SLC35F3: variants seen among roughly 807,000 people sequenced by gnomAD.
SLC35F3 encodes putative thiamine transporter SLC35F3.
SLC35F3 carries 25 observed loss-of-function variants against 49.9 expected under a neutral mutation model. That is an observed-to-expected ratio of 0.50 (90% confidence interval 0.37 to 0.70). The LOEUF is 0.70. Among genes scored for constraint, SLC35F3 ranks in the 30% least tolerant of loss-of-function variants. The probability of loss-of-function intolerance (pLI) is 0.00; values close to 1 mark genes in which losing one functional copy is unlikely to be tolerated. For missense variants in SLC35F3, 525 were observed against 639.8 expected (o/e 0.82, Z 1.94); for synonymous variants, 275 against 265.4 (o/e 1.04, Z -0.35).
chr1:233,922,553 T>C (rs1422505696), intron 2 of SLC35F3, among the ~76,000 whole-genome samples: 1 of 151,564 alleles, frequency 6.6e-6, no homozygotes. Flanking sequence ...ATTAGCCCTT[T>C]GTCAGATGGG....
At position 234,186,594 on chromosome 1, in the gene SLC35F3, G is replaced by A. The variant is rs145043412; in HGVS notation, c.284-44823G>A. ...GTGCCCTGAGACTCTGAAGTGTCAA[G>A]TGGTAGGTGGAGAGGGAGCACATGC... On this transcript the variant is annotated intron_variant, in intron 2 of 7. Transcript: ENST00000366618. Among the ~76,000 whole-genome samples, 4 of 152,310 alleles carry A rather than the reference G, an allele frequency of 2.6e-5. No individual in the cohort carries two copies. In the East Asian group the frequency reaches 7.7e-4, roughly 29 times the overall value.
At chr1:234,021,271 G>A (rs1283210970) in intron 2 of SLC35F3, among the ~76,000 whole-genome samples, 1 of 152,146 alleles carries the variant, frequency 6.6e-6, no homozygotes, top group East Asian at 1.9e-4. Context: ...CTTGAAGCTG[G>A]GCAGTAATGG....
At chr1:234,177,087 T>C (rs1024153621) in intron 2 of SLC35F3, among the ~76,000 whole-genome samples, 4 of 152,228 alleles carry the variant, frequency 2.6e-5, no homozygotes, top group South Asian at 4.2e-4. Context: ...TGCAGGTAGG[T>C]CTTTCCTGCA....
intron 2 of SLC35F3, among the ~76,000 whole-genome samples, chr1:234,172,049 C>G (rs1187100410): frequency 6.6e-6 from 1 of 152,016 alleles, no homozygotes; most frequent in Non-Finnish European, 1.5e-5. Context: ...CTTTTTAGCA[C>G]AGATTCACAT....
At chr1:234,140,247 A>G (rs1475176477) in intron 2 of SLC35F3, among the ~76,000 whole-genome samples, 1 of 152,110 alleles carries the variant, frequency 6.6e-6, no homozygotes, top group Non-Finnish European at 1.5e-5. Flanking sequence ...TATTTATCTC[A>G]TCTCATTTCA....
intron 3 of SLC35F3, chr1:234,274,432 A>G (rs1457742322): frequency 6.6e-6 from 1 of 152,244 alleles, no homozygotes; most frequent in Non-Finnish European, 1.5e-5. Context: ...GGATAGGATC[A>G]TCCATTTAGG....
chr1:234,304,685 A>C (rs992386970), intron 3 of SLC35F3, among the ~76,000 whole-genome samples: 1 of 152,234 alleles, frequency 6.6e-6, no homozygotes. Context: ...ATTCCACACC[A>C]TCTATCTCCT....
At chr1:234,283,564 G>C (rs562741417) in intron 3 of SLC35F3, among the ~76,000 whole-genome samples, 1 of 152,218 alleles carries the variant, frequency 6.6e-6, no homozygotes, top group Non-Finnish European at 1.5e-5. Flanking sequence ...CTAACAAGAG[G>C]GAGATTTAAT....
At chr1:234,124,401 G>A (rs1665616923) in intron 2 of SLC35F3, among the ~76,000 whole-genome samples, 1 of 152,202 alleles carries the variant, frequency 6.6e-6, no homozygotes, top group African/African-American at 2.4e-5. Flanking sequence ...AAGATTTAGG[G>A]AGAAACTGTC....
chr1:234,282,589 G>A (rs1264277484), intron 3 of SLC35F3, among the ~76,000 whole-genome samples: 1 of 152,230 alleles, frequency 6.6e-6, no homozygotes, highest in African/African-American at 2.4e-5. Context: ...CCAGCTGGGG[G>A]AGAATGAAAG....
intron 3 of SLC35F3, among the ~76,000 whole-genome samples, chr1:234,232,519 C>CAAAAAAAAAAAAAAA (rs536692686): frequency 1.4e-4 from 10 of 72,332 alleles, no homozygotes; most frequent in Non-Finnish European, 2.0e-4. Flanking sequence ...CAGGCCTAGT[C>CAAAAAAAAAAAAAAA]AAAAAAAAAA....
chr1:233,942,143 A>C (rs1175536055), intron 2 of SLC35F3, among the ~76,000 whole-genome samples: 3 of 151,444 alleles, frequency 2.0e-5, no homozygotes, highest in African/African-American at 4.8e-5. Flanking sequence ...TGTATTTTTT[A>C]GCAGAGACGG....
At chr1:234,292,774 A>C (rs879916429) in intron 3 of SLC35F3, among the ~76,000 whole-genome samples, 5 of 152,226 alleles carry the variant, frequency 3.3e-5, no homozygotes, top group Non-Finnish European at 5.9e-5. Context: ...AGCATAGTGC[A>C]GGCGGGACCT....
intron 2 of SLC35F3, among the ~76,000 whole-genome samples, chr1:234,126,640 C>T (rs1182060755): frequency 6.6e-6 from 1 of 152,192 alleles, no homozygotes; most frequent in African/African-American, 2.4e-5. Context: ...CTTCTCCAAC[C>T]GCTGGAAGCC....
intron 2 of SLC35F3, among the ~76,000 whole-genome samples, chr1:234,003,725 GT>G (rs1275485461): frequency 6.6e-6 from 1 of 152,182 alleles, no homozygotes; most frequent in African/African-American, 2.4e-5. Context: ...AAGGGAAGTT[GT>G]CATGGAGGAA....
chr1:234,093,009 C>T (rs910525045), intron 2 of SLC35F3, among the ~76,000 whole-genome samples: 3 of 152,214 alleles, frequency 2.0e-5, no homozygotes, highest in East Asian at 3.8e-4. Context: ...CCTATAGGCA[C>T]GAAGTGGGTG....
intron 4 of SLC35F3, among the ~76,000 whole-genome samples, chr1:234,311,039 T>A (rs947473484): frequency 9.2e-5 from 14 of 152,330 alleles, no homozygotes; most frequent in African/African-American, 3.4e-4. Flanking sequence ...CCTTTGGTAC[T>A]AGACTGACAC....
intron 5 of SLC35F3, among the ~76,000 whole-genome samples, chr1:234,318,307 A>C (rs74147433): frequency 0.056 from 8,522 of 152,298 alleles, 737 homozygotes; most frequent in African/African-American, 0.19. Context: ...GATGGAGCAG[A>C]GATGAGCAAA....
At chr1:234,026,077 C>T (rs9435493) in intron 2 of SLC35F3, among the ~76,000 whole-genome samples, 69,536 of 151,992 alleles carry the variant, frequency 0.46, 16,634 homozygotes, top group African/African-American at 0.56. Flanking sequence ...CCATTATGTA[C>T]TGTTGACTTT....
Sources: allele counts gnomAD v4.1 joint callset (sites outside exome capture counted in the v4.1 genomes callset), GRCh38; gene constraint gnomAD v4.1.1; transcripts MANE v1.5; gene names NCBI Gene and HGNC (gene_info 2026-07-23, HGNC 2026-07-21).